Variants in TRIM68 observed in about 807,000 individuals in gnomAD.
TRIM68 encodes tripartite motif containing 68.
In TRIM68, 36 loss-of-function variants were observed where a neutral mutation model predicts 41.9. The ratio of observed to expected loss-of-function variants is 0.86; its 90% confidence interval spans 0.66 to 1.14. The LOEUF is 1.14. Among genes scored for constraint, TRIM68 ranks in the 50% most tolerant of loss-of-function variants. The pLI, the probability that TRIM68 is intolerant of heterozygous loss-of-function variation, is 0.00. For missense variants in TRIM68, 632 were observed against 605.1 expected, an observed-to-expected ratio of 1.04 and a Z score of -0.47; for synonymous variants, 225 against 224.6, an observed-to-expected ratio of 1.00 and a Z score of -0.02.
intron 1 of TRIM68, 137 bp downstream of exon 1, chr11:4,607,890 G>C (rs377367058): frequency 6.6e-6 from 1 of 152,400 alleles, no homozygotes; most frequent in East Asian, 1.9e-4. Flanking sequence ...TCGAGGGGCG[G>C]GCGGTAACCT....
At chr11:4,606,659 G>A (rs1453247696) in intron 1 of TRIM68, among the ~76,000 whole-genome samples, 4 of 152,204 alleles carry the variant, frequency 2.6e-5, no homozygotes, top group Non-Finnish European at 5.9e-5. Flanking sequence ...GCACTGTTCT[G>A]AGCACTTTAC....
chr11:4,605,314 A>C lies in TRIM68; in HGVS notation c.191T>G (p.Val64Gly), dbSNP rs1484574333. The C allele has an allele frequency of 6.2e-7, 1 of 1,614,134 alleles. No individual in the cohort carries two copies. The highest frequency in any genetic ancestry group is 2.2e-5 in the East Asian group (1 of 44,896). The change falls in exon 2 of 7, where the codon GTC (valine) becomes GGC (glycine). Residue 64 changes from valine to glycine, a missense_variant. Physicochemically the swap from Val to Gly is moderately radical, Grantham distance 109. Coordinates refer to ENST00000300747, the MANE Select transcript of TRIM68 (RefSeq NM_018073.8). ...GYTCPLCRAP[V>G]QPRNLRPNWQ... ...ATTAGGCCGCAGGTTCCTTGGCTGGACAGGAGCTCGACAGAGGGGACAGGT... is the reference window on the plus strand; with the variant it reads ...ATTAGGCCGCAGGTTCCTTGGCTGGCCAGGAGCTCGACAGAGGGGACAGGT...
chr11:4,600,568 G>T lies in TRIM68; in HGVS notation c.1166C>A (p.Pro389His), dbSNP rs765094784. 4 of 1,614,052 alleles carry T rather than the reference G, an allele frequency of 2.5e-6. No individual in the cohort carries two copies. The South Asian group carries it at 3.3e-5, about 13-fold the overall frequency. ...CCTTATCACCCAGAATCCATAGTGG[G>T]GGGATAAGTAGACCACCTCCTTCCG... ...VDRKEVVYLSPHYGFWVIRLR... is the reference protein window; with the variant it reads ...VDRKEVVYLSHHYGFWVIRLR... The change falls in exon 7 of 7, where the codon CCC (proline) becomes CAC (histidine). Residue 389 changes from proline to histidine, a missense_variant. Physicochemically the swap from Pro to His is moderately conservative, Grantham distance 77. Coordinates refer to ENST00000300747, the MANE Select transcript of TRIM68 (RefSeq NM_018073.8).
In TRIM68 at chr11:4,605,208, C is replaced by T; in HGVS notation, c.297G>A (p.Glu99=). 6.2e-7 allele frequency: 1 copy of T among 1,614,278 alleles called. No homozygotes were observed. The highest frequency in any genetic ancestry group is 1.3e-5 in the African/African-American group (1 of 75,070). ...ACATCTTCAGCTTTTCCCCATGGCG[C>T]TCACACAGGTCACCCTTCAGCCCCA... The part of the protein sequence containing the change: ...PGMGLKGDLC[E]RHGEKLKMFC... Residue 99 remains glutamate (E), a synonymous_variant, in exon 2 of 7, where the codon GAG becomes GAA. Transcript: ENST00000300747.
chr11:4,600,221 G>C lies in TRIM68; in HGVS notation c.*55C>G, dbSNP rs1846460077. On this transcript the variant is annotated 3_prime_UTR_variant, in exon 7 of 7. Transcript: ENST00000300747. ...ACCTGTCAGTGGCTCGGTCCTCCAA[G>C]CCCCATGGGGGCCAGGCCCAATTCC... 1 of 1,501,400 alleles carries C rather than the reference G, an allele frequency of 6.7e-7. No individual in the cohort carries two copies. The highest frequency in any genetic ancestry group is 2.3e-5 in the Admixed American group (1 of 44,348). 93.0% of individuals were successfully genotyped at this position (1,501,400 alleles called of 1,614,324 possible).
chr11:4,600,184 G>A lies in TRIM68; in HGVS notation c.*92C>T, dbSNP rs1016377362. Reference sequence around the variant, plus strand: ...ATCCTTGGATACTGGGCTCAGCTCAGTTTCAGGGGATACCTGTCAGTGGCT... The same window carrying A: ...ATCCTTGGATACTGGGCTCAGCTCAATTTCAGGGGATACCTGTCAGTGGCT... On this transcript the variant is annotated 3_prime_UTR_variant, in exon 7 of 7. Coordinates refer to ENST00000300747, the MANE Select transcript of TRIM68 (RefSeq NM_018073.8). 1.5e-6 allele frequency: 2 copies of A among 1,330,902 alleles called. No individual in the cohort carries two copies. Among genetic ancestry groups the A allele is most frequent in the Non-Finnish European group, 2.0e-6 (2 of 976,144 alleles). The allele number at this position is 1,330,902 out of a possible 1,614,324, so 82.4% of individuals were successfully genotyped here.
chr11:4,605,050 G>A, intron 2 of TRIM68, 29 bp downstream of exon 2: 2 of 1,606,906 alleles, frequency 1.2e-6, no homozygotes, highest in Non-Finnish European at 1.7e-6. Flanking sequence ...GCCGGGGTTA[G>A]ACTGGAGTGG....
chr11:4,600,172 G>A lies in TRIM68; in HGVS notation c.*104C>T. ...TCAGACAGAGGAATCCTTGGATACT[G>A]GGCTCAGCTCAGTTTCAGGGGATAC... is the stretch of plus-strand genomic sequence containing the variant. On this transcript the variant is annotated 3_prime_UTR_variant, in exon 7 of 7. Transcript: ENST00000300747. 4 of 1,176,030 alleles carry A rather than the reference G, an allele frequency of 3.4e-6. No individual in the cohort carries two copies. Among genetic ancestry groups the A allele is most frequent in the Middle Eastern group, 3.0e-4 (1 of 3,358 alleles). 72.8% of individuals were successfully genotyped at this position (1,176,030 alleles called of 1,614,324 possible).
chr11:4,605,006 G>A, intron 2 of TRIM68, 73 bp downstream of exon 2: 2 of 1,537,842 alleles, frequency 1.3e-6, no homozygotes, highest in Non-Finnish European at 1.8e-6. Flanking sequence ...GGTGCTGGTG[G>A]TCAAGCCCTT....
chr11:4,600,957 C>A, intron 6 of TRIM68, 70 bp downstream of exon 6: 4 of 1,580,982 alleles, frequency 2.5e-6, no homozygotes, highest in Non-Finnish European at 3.5e-6. Flanking sequence ...CCAGAGGGCA[C>A]TGAACCATTT....
chr11:4,599,095 G>A lies in TRIM68; in HGVS notation c.*1181C>T, dbSNP rs1352278677. 3 of 152,198 alleles carry A rather than the reference G, an allele frequency of 2.0e-5. No homozygotes were observed. The highest frequency in any genetic ancestry group is 4.4e-5 in the Non-Finnish European group (3 of 68,032). 9.4% of individuals were successfully genotyped at this position (152,198 alleles called of 1,614,324 possible). On this transcript the variant is annotated 3_prime_UTR_variant, in exon 7 of 7. Coordinates refer to ENST00000300747, the MANE Select transcript of TRIM68 (RefSeq NM_018073.8). Reference sequence around the variant, plus strand: ...TTCAGACCCAAATATAATAAGTGATGTATAGGCATGTGACCTGCGAAGTGA... The same window carrying A: ...TTCAGACCCAAATATAATAAGTGATATATAGGCATGTGACCTGCGAAGTGA...
At chr11:4,601,211 G>T in intron 5 of TRIM68, 84 bp from the exon 6 acceptor site, 1 of 1,052,976 alleles carries the variant, frequency 9.5e-7, no homozygotes, top group Non-Finnish European at 1.5e-6. Context: ...GAGGGGCTTG[G>T]CCAGGGACAT....
At chr11:4,603,147 C>T in intron 3 of TRIM68, 98 bp downstream of exon 3, 17 of 1,159,178 alleles carry the variant, frequency 1.5e-5, no homozygotes, top group Non-Finnish European at 2.1e-5. Flanking sequence ...TTTCAAGCCT[C>T]ACATTCTGCC....
At position 4,599,422 on chromosome 11, in the gene TRIM68, A is replaced by T. The variant is rs1846444550; in HGVS notation, c.*854T>A. The stretch of plus-strand genomic sequence containing the variant: ...TGAGGCAGGAGAATGGCGTGAACCC[A>T]GGAGGCAGAGCCTGCAGTGAGCCGA... On this transcript the variant is annotated 3_prime_UTR_variant, in exon 7 of 7. Coordinates refer to ENST00000300747, the MANE Select transcript of TRIM68 (RefSeq NM_018073.8). The T allele has an allele frequency of 6.6e-6, 1 of 152,200 alleles. No individual in the cohort carries two copies. The highest frequency in any genetic ancestry group is 1.5e-5 in the Non-Finnish European group (1 of 68,086). 9.4% of individuals were successfully genotyped at this position (152,200 alleles called of 1,614,324 possible).
In TRIM68 at chr11:4,601,119, G is replaced by C. The variant is rs1846483583; in HGVS notation, c.815C>G (p.Ser272Cys). 1.4e-5 allele frequency: 22 copies of C among 1,614,124 alleles called. No individual in the cohort carries two copies. The highest frequency in any genetic ancestry group is 1.9e-5 in the Non-Finnish European group (22 of 1,179,958). ...DIQEVLNRSK[S>C]WSLQQPEPIS... The stretch of plus-strand genomic sequence containing the variant: ...TGGTTCTGGCTGCTGCAAGCTCCAA[G>C]ATTTGCTCCTGGTAGAGGAGGGTGA... The change falls in exon 6 of 7, where the codon TCT (serine) becomes TGT (cysteine). Residue 272 changes from serine to cysteine, a missense_variant. Coordinates refer to ENST00000300747, the MANE Select transcript of TRIM68 (RefSeq NM_018073.8).
At chr11:4,603,631 A>G (rs1416590550) in intron 2 of TRIM68, among the ~76,000 whole-genome samples, 1 of 152,120 alleles carries the variant, frequency 6.6e-6, no homozygotes, top group East Asian at 1.9e-4. Context: ...GCCAATTTTT[A>G]TCCTTATCTT....
chr11:4,599,987 T>C lies in TRIM68; in HGVS notation c.*289A>G. On this transcript the variant is annotated 3_prime_UTR_variant, in exon 7 of 7. Coordinates refer to ENST00000300747, the MANE Select transcript of TRIM68 (RefSeq NM_018073.8). ...GTTGGCTACTACATGGACAAAGTCC[T>C]GATCCTTACCCCAACGAGTCACCTT... The C allele has an allele frequency of 3.2e-6, 1 of 309,236 alleles. No individual in the cohort carries two copies. Among genetic ancestry groups the C allele is most frequent in the Non-Finnish European group, 6.0e-6 (1 of 167,112 alleles). 19.2% of individuals were successfully genotyped at this position (309,236 alleles called of 1,614,324 possible). A position where few individuals can be genotyped will look rare whatever the true frequency, so the allele number is the denominator to read the frequency against.
Position 4,608,092 on chromosome 11 carries a change from G to A in TRIM68, c.-123C>T, listed in dbSNP as rs1846596324. 1 of 152,364 alleles carries A rather than the reference G, an allele frequency of 6.6e-6. No homozygotes were observed. Among genetic ancestry groups the A allele is most frequent in the Admixed American group, 6.5e-5 (1 of 15,296 alleles). 9.4% of individuals were successfully genotyped at this position (152,364 alleles called of 1,614,324 possible). On this transcript the variant is annotated 5_prime_UTR_variant, in exon 1 of 7. Coordinates refer to ENST00000300747, the MANE Select transcript of TRIM68 (RefSeq NM_018073.8). ...CAAAGTGAAGAAGCCTGGTTCCGCAGCGTCCAATGGCCCAGCGTCAGAAGC... is the reference window on the plus strand; with the variant it reads ...CAAAGTGAAGAAGCCTGGTTCCGCAACGTCCAATGGCCCAGCGTCAGAAGC...
At chr11:4,601,297 G>C in intron 5 of TRIM68, 170 bp from the exon 6 acceptor site, 1 of 627,982 alleles carries the variant, frequency 1.6e-6, no homozygotes. Flanking sequence ...GTGCAGAGGT[G>C]AGAACACCTG....
Sources: gnomAD v4.1 joint callset for allele counts (sites outside exome capture counted in the v4.1 genomes callset) on GRCh38, gnomAD v4.1.1 for gene constraint, MANE v1.5 for transcripts, NCBI Gene and HGNC (gene_info 2026-07-23, HGNC 2026-07-21) for gene names.